PUM3: variants seen among roughly 807,000 people sequenced by gnomAD.
PUM3 encodes pumilio homolog 3.
In PUM3, 91 loss-of-function variants were observed where a neutral mutation model predicts 84.0. The ratio of observed to expected loss-of-function variants is 1.08; its 90% CI spans 0.91 to 1.29. The LOEUF is 1.29. Among genes scored for constraint, PUM3 ranks in the 50% most tolerant of loss-of-function variants. The pLI is 0.00. For missense variants in PUM3, 1,067 were observed against 767.5 expected (o/e 1.39, Z -4.61); for synonymous variants, 321 against 266.7 (o/e 1.20, Z -1.98).
At chr9:2,812,418 A>G (rs1717105292) in intron 13 of PUM3, 56 bp from the exon 14 acceptor site, 3 of 1,180,624 alleles carry the variant, frequency 2.5e-6, no homozygotes, top group Non-Finnish European at 3.6e-6. Flanking sequence ...AAAACAAAGT[A>G]CCACAGGACC....
intron 1 of PUM3, among the ~76,000 whole-genome samples, 186 bp from the exon 2 acceptor site, chr9:2,838,703 A>T (rs1245927550): frequency 6.6e-6 from 1 of 152,220 alleles, no homozygotes; most frequent in East Asian, 1.9e-4. Flanking sequence ...TTTAAAACTG[A>T]AAATGAACAA....
At chr9:2,808,355 A>G (rs1482689704) in intron 16 of PUM3, among the ~76,000 whole-genome samples, 1 of 152,214 alleles carries the variant, frequency 6.6e-6, no homozygotes, top group Non-Finnish European at 1.5e-5. Flanking sequence ...CGTGTTCAAC[A>G]GTGGTTGATA....
At position 2,838,508 on chromosome 9, in the gene PUM3, C is replaced by A. The variant is rs559671705; in HGVS notation, c.-1G>T. On this transcript the variant is annotated 5_prime_UTR_variant, in exon 2 of 18. Transcript: ENST00000397885. The stretch of plus-strand genomic sequence containing the variant: ...ATTGCTTTTTCCCTTTAACTTCCAT[C>A]GTAGCAACTCTGGAAAACCAAAACC... 6.2e-7 allele frequency: 1 copy of A among 1,611,852 alleles called. No individual in the cohort carries two copies. Among genetic ancestry groups the A allele is most frequent in the Non-Finnish European group, 8.5e-7 (1 of 1,178,276 alleles).
intron 16 of PUM3, among the ~76,000 whole-genome samples, chr9:2,810,130 G>T (rs1821335262): frequency 6.6e-6 from 1 of 151,606 alleles, no homozygotes. Flanking sequence ...GGGGGGTTTG[G>T]AAAAAAGAAA....
chr9:2,836,563 T>C (rs16910551), intron 3 of PUM3, among the ~76,000 whole-genome samples: 3,256 of 152,254 alleles, frequency 0.021, 119 homozygotes, highest in African/African-American at 0.074. Flanking sequence ...TTGTCCTGAA[T>C]CAATTAAAAT....
At chr9:2,833,503 T>G in intron 4 of PUM3, 71 bp from the exon 5 acceptor site, 1 of 807,864 alleles carries the variant, frequency 1.2e-6, no homozygotes. Flanking sequence ...AATTAAAAAC[T>G]GTACCAGTAT....
chr9:2,818,094 G>A (rs1483235859), intron 13 of PUM3, among the ~76,000 whole-genome samples: 1 of 152,228 alleles, frequency 6.6e-6, no homozygotes. Context: ...AGAGTGCTTA[G>A]CAACACTAAG....
At chr9:2,811,793 T>G (rs1821381191) in intron 14 of PUM3, among the ~76,000 whole-genome samples, 1 of 146,354 alleles carries the variant, frequency 6.8e-6, no homozygotes. Flanking sequence ...GAATAGTGCC[T>G]GGCACAGAAC....
chr9:2,823,010 G>A (rs1172805256), intron 12 of PUM3, among the ~76,000 whole-genome samples: 1 of 151,668 alleles, frequency 6.6e-6, no homozygotes. Context: ...CTCACTGGAT[G>A]TTTTCAAAGG....
At chr9:2,808,786 C>T (rs961227732) in intron 16 of PUM3, among the ~76,000 whole-genome samples, 54 of 152,186 alleles carry the variant, frequency 3.5e-4, no homozygotes, top group African/African-American at 1.2e-3. Context: ...AATGCAGCCA[C>T]TCCCCCATCT....
chr9:2,823,038 T>A (rs1815708335), intron 12 of PUM3, among the ~76,000 whole-genome samples: 1 of 151,866 alleles, frequency 6.6e-6, no homozygotes, highest in African/African-American at 2.4e-5. Context: ...AGTTGATTAC[T>A]ACATAATTTT....
At position 2,837,263 on chromosome 9, in the gene PUM3, C is replaced by T; in HGVS notation, c.221G>A (p.Gly74Glu). 6.2e-7 allele frequency: 1 copy of T among 1,613,992 alleles called. No individual in the cohort carries two copies. The change falls in exon 3 of 18, where the codon GGG (glycine) becomes GAG (glutamate). Residue 74 changes from glycine (G) to glutamate (E), a missense_variant. Gly to Glu is a moderately conservative substitution (Grantham distance 98). Coordinates refer to ENST00000397885, the MANE Select transcript of PUM3 (RefSeq NM_014878.5). ...GAATTTGTTCTTTGGTGATTTGTCC[C>T]CTTGCTGCTTATTCTTGAACTGCTT... Reference protein sequence around the residue: ...GVKQFKNKQQGDKSPKNKFQP... With the variant: ...GVKQFKNKQQEDKSPKNKFQP...
chr9:2,829,548 A>T (rs1815915612), intron 8 of PUM3, among the ~76,000 whole-genome samples: 1 of 152,228 alleles, frequency 6.6e-6, no homozygotes, highest in South Asian at 2.1e-4. Flanking sequence ...GGAGAGGAAC[A>T]AAGTTTGAAT....
chr9:2,817,728 G>C (rs1435277222), intron 13 of PUM3, among the ~76,000 whole-genome samples: 4 of 152,178 alleles, frequency 2.6e-5, no homozygotes, highest in African/African-American at 9.7e-5. Flanking sequence ...GTACACAAAG[G>C]GCTTAAACTT....
At chr9:2,807,695 T>TA in intron 17 of PUM3, 119 bp downstream of exon 17, 1 of 628,010 alleles carries the variant, frequency 1.6e-6, no homozygotes, top group Non-Finnish European at 2.8e-6. Flanking sequence ...AGACCATGAG[T>TA]GACTGGGAGT....
rs756123588 is a variant in PUM3 at position 2,812,301 on chromosome 9, T to C, written c.1331A>G (p.Tyr444Cys). ...NDKYGRKVLL[Y>C]LLSPRDPAHT... is the part of the protein sequence containing the mutation. The stretch of plus-strand genomic sequence containing the variant: ...TGCAGGATCTCTGGGGCTTAGTAAG[T>C]ACAATAGGACCTTCCTTCCATATTT... The change falls in exon 14 of 18, where the codon TAC becomes TGC. Residue 444 changes from tyrosine (Y) to cysteine (C), a missense_variant. Transcript: ENST00000397885. 1 of 1,604,758 alleles carries C rather than the reference T, an allele frequency of 6.2e-7. No individual in the cohort carries two copies. Among genetic ancestry groups the C allele is most frequent in the Non-Finnish European group, 8.5e-7 (1 of 1,171,520 alleles).
At chr9:2,811,081 C>T (rs1821358149) in intron 15 of PUM3, among the ~76,000 whole-genome samples, 1 of 152,182 alleles carries the variant, frequency 6.6e-6, no homozygotes, top group Non-Finnish European at 1.5e-5. Context: ...ACTTCTCTTC[C>T]CCAATCGCAG....
In PUM3 at chr9:2,834,932, T is replaced by C. The variant is rs942827999; in HGVS notation, c.305-766A>G. Among the ~76,000 whole-genome samples the C allele has an allele frequency of 3.3e-5, 5 of 151,434 alleles. No individual in the cohort carries two copies. In the East Asian group the frequency reaches 9.8e-4, roughly 30 times the overall value. ...CTTACTAAAATGGGTATTATTTACA[T>C]GAGTATCTGGCACAGAATCTTTTGG... On this transcript the variant is annotated intron_variant, in intron 3 of 17. Transcript: ENST00000397885.
chr9:2,830,208 C>CT (rs1354078080), intron 7 of PUM3, among the ~76,000 whole-genome samples: 1 of 151,310 alleles, frequency 6.6e-6, no homozygotes, highest in African/African-American at 2.4e-5. Context: ...AAATCATATT[C>CT]TAAGATTCCT....
Sources: gnomAD v4.1 joint callset for allele counts (sites outside exome capture counted in the v4.1 genomes callset) on GRCh38, gnomAD v4.1.1 for gene constraint, MANE v1.5 for transcripts, NCBI Gene and HGNC (gene_info 2026-07-23, HGNC 2026-07-21) for gene names.